The following MUC5B variants were observed in gnomAD, a reference collection of about 807,000 sequenced individuals.
MUC5B encodes the protein mucin-5B.
Under a neutral mutation model 376.9 loss-of-function variants are expected in MUC5B, and 116 were observed. The ratio of observed to expected loss-of-function variants is 0.31; its 90% confidence interval spans 0.26 to 0.36. The LOEUF is 0.36. Ranked by LOEUF, MUC5B falls within the 10% of genes least tolerant of loss-of-function variation. The pLI is 1.00. For missense variants in MUC5B, 7,165 were observed against 7,769.9 expected (o/e 0.92, Z 2.93); for synonymous variants, 3,517 against 3,390.9 (o/e 1.04, Z -1.29).
In MUC5B at chr11:1,261,546, C is replaced by T. The variant is rs1445966487; in HGVS notation, c.17227C>T (p.Pro5743Ser). ...GTGTGGCTGCACGCCCTTCTGTGTC[C>T]CTGCGCCCATGGCTCCCCCACACAC... ...DECGCTPFCV[P>S]APMAPPHTRG... is the part of the protein sequence containing the mutation. Residue 5743 changes from proline to serine, a missense_variant, in exon 49 of 49, where the codon CCT becomes TCT. Physicochemically the swap from Pro to Ser is moderately conservative, Grantham distance 74. Coordinates refer to ENST00000529681, the MANE Select transcript of MUC5B (RefSeq NM_002458.3). 6.2e-7 allele frequency: 1 copy of T among 1,608,750 alleles called. No homozygotes were observed. Among genetic ancestry groups the T allele is most frequent in the Admixed American group, 1.7e-5 (1 of 59,604 alleles).
intron 6 of MUC5B, 84 bp downstream of exon 6, chr11:1,227,482 G>A (rs1415533951): frequency 6.7e-5 from 75 of 1,116,628 alleles, no homozygotes; most frequent in Non-Finnish European, 8.6e-5. Context: ...GGGAGGGGGC[G>A]GAGTGGGGAC....
Position 1,242,390 on chromosome 11 carries a change from A to G in MUC5B, c.5510A>G (p.Glu1837Gly), listed in dbSNP as rs1168182632. Residue 1837 changes from glutamate (E) to glycine (G), a missense_variant, in exon 31 of 49, where the codon GAG becomes GGG. Glu to Gly is a moderately conservative substitution (Grantham distance 98). Transcript: ENST00000529681. The part of the protein sequence containing the change: ...SIECRAENYP[E>G]VSIDQVGQVL... Reference sequence around the variant, plus strand: ...GAGTGCCGGGCGGAGAACTACCCCGAGGTAAGCATCGACCAGGTCGGGCAG... The same window carrying G: ...GAGTGCCGGGCGGAGAACTACCCCGGGGTAAGCATCGACCAGGTCGGGCAG... 5 of 1,613,758 alleles carry G rather than the reference A, an allele frequency of 3.1e-6. No individual in the cohort carries two copies. The highest frequency in any genetic ancestry group is 4.2e-6 in the Non-Finnish European group (5 of 1,179,860).
chr11:1,259,030 A>T lies in MUC5B; in HGVS notation c.16682A>T (p.Glu5561Val). The T allele has an allele frequency of 6.4e-7, 1 of 1,556,638 alleles. No homozygotes were observed. The change falls in exon 44 of 49, where the codon GAG (glutamate) becomes GTG (valine). Residue 5561 changes from glutamate (E) to valine (V), a missense_variant. Coordinates refer to ENST00000529681, the MANE Select transcript of MUC5B (RefSeq NM_002458.3). ...CAGGACCCAACGGTGCAATGTCAGG[A>T]GGATGCCTGCAACAATACTACCTGT... ...DTQDPTVQCQ[E>V]DACNNTTCPQ...
At position 1,255,136 on chromosome 11, in the gene MUC5B, G is replaced by A. The variant is rs201710759; in HGVS notation, c.15760G>A (p.Asp5254Asn). 8.6e-5 allele frequency: 136 copies of A among 1,576,080 alleles called. No individual in the cohort carries two copies. The African/African-American group carries it at 1.1e-3, about 13-fold the overall frequency. ...CATGGCCAAGACGTGGCTGGTCCCC[G>A]ACAGCAGAAAGGATGGCTGCTGGGC... The part of the protein sequence containing the change: ...KDMAKTWLVP[D>N]SRKDGCWAPT... Residue 5254 changes from aspartate (D) to asparagine (N), a missense_variant, in exon 36 of 49, where the codon GAC becomes AAC. Coordinates refer to ENST00000529681, the MANE Select transcript of MUC5B (RefSeq NM_002458.3).
At chr11:1,237,597 C>T (rs1015434941) in intron 25 of MUC5B, among the ~76,000 whole-genome samples, 10 of 152,314 alleles carry the variant, frequency 6.6e-5, no homozygotes, top group East Asian at 3.9e-4. Flanking sequence ...TGACTGGGCG[C>T]GGTGGCTCAT....
In MUC5B at chr11:1,251,017, G is replaced by A; in HGVS notation, c.14137G>A (p.Ala4713Thr). ...TPITPVLTST[A>T]TTPAATSSKA... ...CATCACCCCAGTGCTGACCAGCACG[G>A]CCACCACACCCGCAGCCACCAGCTC... Residue 4713 changes from alanine (A) to threonine (T), a missense_variant, in exon 31 of 49, where the codon GCC becomes ACC. By Grantham distance (58) the Ala-to-Thr change is moderately conservative. Transcript: ENST00000529681. The A allele has an allele frequency of 2.5e-6, 4 of 1,610,562 alleles. No individual in the cohort carries two copies. Among genetic ancestry groups the A allele is most frequent in the Non-Finnish European group, 1.7e-6 (2 of 1,177,860 alleles).
chr11:1,259,744 A>G lies in MUC5B; in HGVS notation c.16714-12A>G. On this transcript the variant is annotated splice_polypyrimidine_tract_variant and intron_variant, in intron 44 of 48. Coordinates refer to ENST00000529681, the MANE Select transcript of MUC5B (RefSeq NM_002458.3). ...AGAGGGTTAGGGCCTGACGCCCCTC[A>G]TGTCCCCACAGGGCTTTGAGTACAA... 1 of 1,612,132 alleles carries G rather than the reference A, an allele frequency of 6.2e-7. No individual in the cohort carries two copies. Among genetic ancestry groups the G allele is most frequent in the Non-Finnish European group, 8.5e-7 (1 of 1,179,488 alleles).
chr11:1,240,008 C>T, intron 28 of MUC5B, 37 bp from the exon 29 acceptor site: 2 of 1,595,966 alleles, frequency 1.3e-6, no homozygotes, highest in South Asian at 2.2e-5. Flanking sequence ...TGCAGGCTGC[C>T]CCCCAGGCCC....
At chr11:1,260,223 C>T (rs1261121313) in intron 46 of MUC5B, 128 bp from the exon 47 acceptor site, 1 of 1,378,436 alleles carries the variant, frequency 7.3e-7, no homozygotes, top group Non-Finnish European at 9.9e-7. Flanking sequence ...AAGCCCCACC[C>T]CTGCCTGGGA....
chr11:1,224,813 C>A (rs907309089), intron 1 of MUC5B, among the ~76,000 whole-genome samples: 1 of 152,126 alleles, frequency 6.6e-6, no homozygotes, highest in Non-Finnish European at 1.5e-5. Flanking sequence ...GGCCAGAGTG[C>A]GAACCACAGG....
rs929197842 is a variant in MUC5B, at chr11:1,230,421, A to C, written c.1360-69A>C. On this transcript the variant is annotated intron_variant, in intron 11 of 48. Transcript: ENST00000529681. The stretch of plus-strand genomic sequence containing the variant: ...CCACATCCCCCACATGGGCATCCCC[A>C]GCACACTTCTGGGGGGCACCCCACA... 1.3e-5 allele frequency: 19 copies of C among 1,412,854 alleles called. No individual in the cohort carries two copies. The African/African-American group carries it at 2.5e-4, about 19-fold the overall frequency. The allele number at this position is 1,412,854 out of a possible 1,614,324, so 87.5% of individuals were successfully genotyped here.
At chr11:1,225,626 C>G in intron 1 of MUC5B, 55 bp from the exon 2 acceptor site, 1 of 1,510,802 alleles carries the variant, frequency 6.6e-7, no homozygotes, top group Non-Finnish European at 9.0e-7. Context: ...TGGTTGGGTT[C>G]GTGGCTGGCA....
Position 1,256,594 on chromosome 11 carries a change from A to C in MUC5B, c.16137-77A>C, listed in dbSNP as rs1328589699. 10 of 1,055,370 alleles carry C rather than the reference A, an allele frequency of 9.5e-6. 1 individual carries two copies. The Admixed American group carries it at 2.5e-4, about 26-fold the overall frequency. The allele number at this position is 1,055,370 out of a possible 1,614,324, so 65.4% of individuals were successfully genotyped here. ...TCTCCTTCCCTGCTCCCCACTGCCC[A>C]TCCTGGGGACTCACGTGGATGACAG... On this transcript the variant is annotated intron_variant, in intron 38 of 48. Transcript: ENST00000529681.
intron 39 of MUC5B, 111 bp downstream of exon 39, chr11:1,256,882 C>T (rs1862852320): frequency 2.4e-6 from 2 of 846,676 alleles, no homozygotes; most frequent in Admixed American, 2.9e-5. Context: ...CCCAGCTGAC[C>T]CCCGTGACCT....
At position 1,261,511 on chromosome 11, in the gene MUC5B, A is replaced by G. The variant is rs1052482500; in HGVS notation, c.17192A>G (p.His5731Arg). The change falls in exon 49 of 49, where the codon CAC (histidine) becomes CGC (arginine). Residue 5731 changes from histidine (H) to arginine (R), a missense_variant. Transcript: ENST00000529681. ...TCAGCCATCCTGCACACCTACACCC[A>G]CGTGGATGAGTGTGGCTGCACGCCC... is the stretch of plus-strand genomic sequence containing the variant. ...NGSAILHTYT[H>R]VDECGCTPFC... 20 of 1,604,648 alleles carry G rather than the reference A, an allele frequency of 1.2e-5. No individual in the cohort carries two copies. The highest frequency in any genetic ancestry group is 1.7e-5 in the Non-Finnish European group (20 of 1,176,690).
chr11:1,231,320 G>A lies in MUC5B; in HGVS notation c.1541-103G>A, dbSNP rs555878301. 2.2e-5 allele frequency: 30 copies of A among 1,364,844 alleles called. No individual in the cohort carries two copies. In the South Asian group the frequency reaches 3.1e-4, roughly 14 times the overall value. The allele number at this position is 1,364,844 out of a possible 1,614,324, so 84.5% of individuals were successfully genotyped here. A position where few individuals can be genotyped will look rare whatever the true frequency, so the allele number is the denominator to read the frequency against. ...CTGGCCACTCCTGGGTCTCACTCCC[G>A]GGTCTCAGTGGGGTGGCCCGGCCCA... On this transcript the variant is annotated intron_variant, in intron 13 of 48. Transcript: ENST00000529681.
rs763386600 is a variant in MUC5B at position 1,236,508 on chromosome 11, C to A, written c.3003C>A (p.Ala1001=). 1 of 1,613,120 alleles carries A rather than the reference C, an allele frequency of 6.2e-7. No individual in the cohort carries two copies. Among genetic ancestry groups the A allele is most frequent in the African/African-American group, 1.3e-5 (1 of 75,054 alleles). ...TGGTCATCGAGACCCACGGGATGGC[C>A]GTGTCCTGGGACCGGAAGACCAGCG... The part of the protein sequence containing the change: ...IFLVIETHGM[A]VSWDRKTSVF... Residue 1001 remains alanine (A), a synonymous_variant, in exon 24 of 49, where the codon GCC becomes GCA. Coordinates refer to ENST00000529681, the MANE Select transcript of MUC5B (RefSeq NM_002458.3).
Position 1,226,770 on chromosome 11 carries a change from C to G in MUC5B, c.355C>G (p.Arg119Gly), listed in dbSNP as rs1282126408. ...CTACGAGGACTTCAACGTCCAGCTA[C>G]GCCGAGGCCTAGTGGGCTCCAGGCC... The part of the protein sequence containing the change: ...AAYEDFNVQL[R>G]RGLVGSRPVV... The change falls in exon 4 of 49, where the codon CGC becomes GGC. Residue 119 changes from arginine (R) to glycine (G), a missense_variant. This residue lies in a region of MUC5B where 640 missense variants were observed against 733.0 expected (regional missense o/e 0.87). Transcript: ENST00000529681. The G allele has an allele frequency of 9.3e-6, 15 of 1,612,584 alleles. No homozygotes were observed. Among genetic ancestry groups the G allele is most frequent in the Non-Finnish European group, 1.3e-5 (15 of 1,179,822 alleles).
rs1234247079 is a variant in MUC5B, at chr11:1,234,663, G to A, written c.2613G>A (p.Arg871=). 62 of 1,545,056 alleles carry A rather than the reference G, an allele frequency of 4.0e-5. No individual in the cohort carries two copies. Among genetic ancestry groups the A allele is most frequent in the Non-Finnish European group, 5.2e-5 (60 of 1,144,122 alleles). The stretch of plus-strand genomic sequence containing the variant: ...CCTACAAGCCTGGAGAGACCATCAG[G>A]GTCGACTGCAACACCTGGTGGGTCG... ...EATYKPGETI[R]VDCNTCTCRN... Residue 871 remains arginine (R), a synonymous_variant, in exon 21 of 49, where the codon AGG becomes AGA. Coordinates refer to ENST00000529681, the MANE Select transcript of MUC5B (RefSeq NM_002458.3). This position sits in a 1 kb window ranked among gnomAD's most constrained non-coding sequence, Gnocchi z 6.3.
Sources: gnomAD v4.1 joint callset for allele counts (sites outside exome capture counted in the v4.1 genomes callset) on GRCh38, gnomAD v4.1.1 for gene constraint, gnomAD v4.1.1 regional missense constraint, Gnocchi (gnomAD v3.1) non-coding constraint, MANE v1.5 for transcripts, NCBI Gene and HGNC (gene_info 2026-07-23, HGNC 2026-07-21) for gene names.